The following FAM83F variants were observed in gnomAD, a reference collection of about 807,000 sequenced individuals.
FAM83F encodes protein FAM83F.
A neutral mutation model predicts 42.9 loss-of-function variants in FAM83F; 45 were observed. That is an observed-to-expected ratio of 1.05 (90% CI 0.83 to 1.35). The LOEUF (loss-of-function observed/expected upper bound fraction) is 1.35. FAM83F is among the 40% of genes most tolerant of loss of function. The pLI, the probability that FAM83F is intolerant of heterozygous loss-of-function variation, is 0.00. For synonymous variants in FAM83F, 306 were observed against 298.3 expected, an observed-to-expected ratio of 1.03 and a Z score of -0.27; for missense variants, 617 against 695.9, an observed-to-expected ratio of 0.89 and a Z score of 1.28.
At chr22:40,002,513 G>C (rs982549981) in intron 1 of FAM83F, among the ~76,000 whole-genome samples, 1 of 152,168 alleles carries the variant, frequency 6.6e-6, no homozygotes, top group African/African-American at 2.4e-5. Context: ...GTTCACGGTA[G>C]CAAAGCCAGT....
At chr22:40,010,551 G>A (rs2145714360) in intron 1 of FAM83F, among the ~76,000 whole-genome samples, 1 of 152,322 alleles carries the variant, frequency 6.6e-6, no homozygotes, top group East Asian at 1.9e-4. Flanking sequence ...GGGGACTGCT[G>A]CCTCTCCTGA....
In FAM83F at chr22:40,035,425, ACT is replaced by A. The variant is rs907836660; in HGVS notation, c.*5865_*5866del. 18 of 152,038 alleles carry A rather than the reference ACT, an allele frequency of 1.2e-4. No homozygotes were observed. The highest frequency in any genetic ancestry group is 3.9e-4 in the African/African-American group (16 of 41,358). 9.4% of individuals were successfully genotyped at this position (152,038 alleles called of 1,614,324 possible). A position where few individuals can be genotyped will look rare whatever the true frequency, so the allele number is the denominator to read the frequency against. On this transcript the variant is annotated 3_prime_UTR_variant, in exon 5 of 5. Transcript: ENST00000333407. Reference sequence around the variant, plus strand: ...TTCTTATTTCCTGCTCGCAGCTTTGACTCTCTGCCTCATCTCTTCCTGGAAGT... The same window carrying A: ...TTCTTATTTCCTGCTCGCAGCTTTGACTCTGCCTCATCTCTTCCTGGAAGT...
Position 40,021,673 on chromosome 22 carries a change from T to C in FAM83F, c.1163T>C (p.Val388Ala). The C allele has an allele frequency of 6.2e-7, 1 of 1,610,884 alleles. No homozygotes were observed. The highest frequency in any genetic ancestry group is 1.1e-5 in the South Asian group (1 of 91,040). ...ACGGTGGAGCAGGTGCTGCCCCCCG[T>C]GGAGCCCATCCCCTTGGGAGAGCTG... is the stretch of plus-strand genomic sequence containing the variant. ...LVTVEQVLPP[V>A]EPIPLGELSQ... Residue 388 changes from valine (V) to alanine (A), a missense_variant, in exon 4 of 5, where the codon GTG (valine) becomes GCG (alanine). By Grantham distance (64) the Val-to-Ala change is moderately conservative. Transcript: ENST00000333407. This position sits in a 1 kb window ranked among gnomAD's most constrained non-coding sequence, Gnocchi z 8.7.
chr22:40,029,752 A>C lies in FAM83F; in HGVS notation c.*187A>C. 2 of 793,580 alleles carry C rather than the reference A, an allele frequency of 2.5e-6. No homozygotes were observed. The highest frequency in any genetic ancestry group is 1.9e-6 in the Non-Finnish European group (1 of 520,846). The allele number at this position is 793,580 out of a possible 1,614,324, so 49.2% of individuals were successfully genotyped here. ...AGAGGGTCCGAAGCATCTCAGTCAC[A>C]CGCCTCCACCGGACTGTCGGTGGCT... On this transcript the variant is annotated 3_prime_UTR_variant, in exon 5 of 5. Coordinates refer to ENST00000333407, the MANE Select transcript of FAM83F (RefSeq NM_138435.4).
In FAM83F at chr22:40,033,710, C is replaced by T. The variant is rs1464661511; in HGVS notation, c.*4145C>T. 4 of 152,296 alleles carry T rather than the reference C, an allele frequency of 2.6e-5. No homozygotes were observed. The highest frequency in any genetic ancestry group is 4.8e-5 in the African/African-American group (2 of 41,454). 9.4% of individuals were successfully genotyped at this position (152,296 alleles called of 1,614,324 possible). On this transcript the variant is annotated 3_prime_UTR_variant, in exon 5 of 5. Transcript: ENST00000333407. ...GAGCACTGGCTCTTTTCTTCACAGT[C>T]CTGACCTGGTGGCCTGCACAGGCCA...
chr22:40,002,739 T>C (rs2067408861), intron 1 of FAM83F, among the ~76,000 whole-genome samples: 1 of 152,220 alleles, frequency 6.6e-6, no homozygotes, highest in Non-Finnish European at 1.5e-5. Context: ...CCACAAATTG[T>C]TCTGAGAACC....
At chr22:39,998,841 TG>T (rs2067383526) in intron 1 of FAM83F, 1 of 152,200 alleles carries the variant, frequency 6.6e-6, no homozygotes. Context: ...TCCTGACCTA[TG>T]CTACGCTAAC....
In FAM83F at chr22:39,995,656, C is replaced by T. The variant is rs2067370956; in HGVS notation, c.489+125C>T. On this transcript the variant is annotated intron_variant, in intron 1 of 4. Coordinates refer to ENST00000333407, the MANE Select transcript of FAM83F (RefSeq NM_138435.4). This position sits in a 1 kb window ranked among gnomAD's most constrained non-coding sequence, Gnocchi z 4.6. ...GCACCCTCTGGAAAATGGGCCCCAA[C>T]CCGCCCCTACTTCCTGGGGCTGCAG... 7.1e-7 allele frequency: 1 copy of T among 1,399,436 alleles called. No homozygotes were observed. The highest frequency in any genetic ancestry group is 9.4e-7 in the Non-Finnish European group (1 of 1,066,492). The allele number at this position is 1,399,436 out of a possible 1,614,324, so 86.7% of individuals were successfully genotyped here.
rs142815486 is a variant in FAM83F, at chr22:40,023,777, TAG to T, written c.1453+1825_1453+1826del. 6.6e-6 allele frequency among the ~76,000 whole-genome samples: 1 copy of T among 151,626 alleles called. No individual in the cohort carries two copies. The highest frequency in any genetic ancestry group is 1.5e-5 in the Non-Finnish European group (1 of 67,846). On this transcript the variant is annotated intron_variant, in intron 4 of 4. Coordinates refer to ENST00000333407, the MANE Select transcript of FAM83F (RefSeq NM_138435.4). The surrounding 1 kb of genome is among the most constrained non-coding windows in gnomAD (Gnocchi z 4.1). ...CTCTCCAGGGCACCTGATGCTGGGA[TAG>T]AGAGAGAGAGGGAATAGTGAGGGCG...
intron 1 of FAM83F, among the ~76,000 whole-genome samples, chr22:40,004,811 G>C (rs2067419779): frequency 6.6e-6 from 1 of 152,124 alleles, no homozygotes; most frequent in South Asian, 2.1e-4. Context: ...GTTCAGAGAG[G>C]ATAAGGTCAC....
chr22:39,996,223 G>A (rs1019200751), intron 1 of FAM83F, among the ~76,000 whole-genome samples: 5 of 152,178 alleles, frequency 3.3e-5, no homozygotes, highest in African/African-American at 4.8e-5. Context: ...TCCTGCTTGA[G>A]AGTTGGAAGG....
At chr22:40,016,863 C>T (rs1569233486) in intron 1 of FAM83F, among the ~76,000 whole-genome samples, 1 of 151,836 alleles carries the variant, frequency 6.6e-6, no homozygotes, top group African/African-American at 2.4e-5. Flanking sequence ...AGGGTTTCAC[C>T]ATGTTGGCCA....
Position 40,031,789 on chromosome 22 carries a change from G to T in FAM83F, c.*2224G>T, listed in dbSNP as rs1358400279. On this transcript the variant is annotated 3_prime_UTR_variant, in exon 5 of 5. Transcript: ENST00000333407. ...TCCTTATAGCAGTGTGGACAAGATG[G>T]TGTCGGCACCCCCCGCTCCAAAAGG... 2 of 152,268 alleles carry T rather than the reference G, an allele frequency of 1.3e-5. No homozygotes were observed. The highest frequency in any genetic ancestry group is 4.8e-5 in the African/African-American group (2 of 41,458). The allele number at this position is 152,268 out of a possible 1,614,324, so 9.4% of individuals were successfully genotyped here.
intron 3 of FAM83F, among the ~76,000 whole-genome samples, chr22:40,020,766 C>T (rs1280811113): frequency 6.6e-6 from 1 of 152,096 alleles, no homozygotes; most frequent in African/African-American, 2.4e-5. Context: ...GAGCTGAGCA[C>T]ATGAAACAGT....
intron 1 of FAM83F, among the ~76,000 whole-genome samples, chr22:40,014,873 C>T (rs1191224969): frequency 6.6e-6 from 1 of 152,198 alleles, no homozygotes; most frequent in Non-Finnish European, 1.5e-5. Context: ...GGACATAGGA[C>T]TTTGCCCCCT....
intron 1 of FAM83F, among the ~76,000 whole-genome samples, chr22:40,013,283 A>G (rs2067476992): frequency 1.3e-5 from 2 of 152,028 alleles, no homozygotes; most frequent in South Asian, 2.1e-4. Context: ...TTTCCTTTAC[A>G]TGTGGTGTGA....
intron 4 of FAM83F, among the ~76,000 whole-genome samples, chr22:40,028,476 C>G (rs1291930436): frequency 6.6e-6 from 1 of 152,166 alleles, no homozygotes; most frequent in Non-Finnish European, 1.5e-5. Context: ...AACACGAGCG[C>G]CTTCCACCTG....
chr22:40,019,919 C>T lies in FAM83F; in HGVS notation c.690C>T (p.Gly230=), dbSNP rs1401618447. Residue 230 remains glycine, a synonymous_variant, in exon 3 of 5, where the codon GGC becomes GGT. Coordinates refer to ENST00000333407, the MANE Select transcript of FAM83F (RefSeq NM_138435.4). ...GTGTCCGCTCTGTGACAGGCGTCGG[C>T]TTCTACATGCCCATGGGGAGGATCA... ...NIRVRSVTGV[G]FYMPMGRIKG... 3.7e-6 allele frequency: 6 copies of T among 1,613,176 alleles called. No individual in the cohort carries two copies. The highest frequency in any genetic ancestry group is 3.4e-6 in the Non-Finnish European group (4 of 1,179,638).
In FAM83F at chr22:40,041,981, C is replaced by T. The variant is rs2067652926; in HGVS notation, c.*12416C>T. The stretch of plus-strand genomic sequence containing the variant: ...TCAAGCAATCCTCCCACCTCAGCAT[C>T]CCAAGTAGCTGGGACTGTAGGCGCA... On this transcript the variant is annotated 3_prime_UTR_variant, in exon 5 of 5. Transcript: ENST00000333407. 6.6e-6 allele frequency: 1 copy of T among 152,062 alleles called. No individual in the cohort carries two copies. Among genetic ancestry groups the T allele is most frequent in the African/African-American group, 2.4e-5 (1 of 41,388 alleles). 9.4% of individuals were successfully genotyped at this position (152,062 alleles called of 1,614,324 possible).
Sources: allele counts gnomAD v4.1 joint callset (sites outside exome capture counted in the v4.1 genomes callset), GRCh38; gene constraint gnomAD v4.1.1; non-coding constraint Gnocchi (gnomAD v3.1); transcripts MANE v1.5; gene names NCBI Gene and HGNC (gene_info 2026-07-23, HGNC 2026-07-21).